Variants in RAP1GAP2 observed in about 807,000 individuals in gnomAD.
RAP1GAP2 encodes the protein rap1 GTPase-activating protein 2.
A neutral mutation model predicts 95.0 loss-of-function variants in RAP1GAP2; 27 were observed. The ratio of observed to expected loss-of-function variants is 0.28; its 90% confidence interval spans 0.21 to 0.39. The LOEUF is 0.39. RAP1GAP2 is among the 10% of genes least tolerant of loss of function. The pLI is 1.00. For missense variants in RAP1GAP2, 771 were observed against 970.0 expected, an observed-to-expected ratio of 0.79 and a Z score of 2.72; for synonymous variants, 373 against 380.9, an observed-to-expected ratio of 0.98 and a Z score of 0.24.
intron 3 of RAP1GAP2, among the ~76,000 whole-genome samples, chr17:2,911,563 G>T (rs1321090749): frequency 2.6e-5 from 4 of 152,002 alleles, no homozygotes; most frequent in Non-Finnish European, 5.9e-5. Flanking sequence ...CACCCTCAGA[G>T]AGCCTGCCGT....
rs1172342446 is a variant in RAP1GAP2, at chr17:2,796,471, C to T, written c.-57C>T. 1.3e-6 allele frequency: 2 copies of T among 1,545,666 alleles called. No homozygotes were observed. Among genetic ancestry groups the T allele is most frequent in the Non-Finnish European group, 1.8e-6 (2 of 1,142,558 alleles). On this transcript the variant is annotated 5_prime_UTR_variant, in exon 1 of 25. Coordinates refer to ENST00000254695, the MANE Select transcript of RAP1GAP2 (RefSeq NM_015085.5). This position sits in a 1 kb window ranked among gnomAD's most constrained non-coding sequence, Gnocchi z 4.7. ...CGCTGTACCACGGCCCTCTTGCGGA[C>T]AGCCCCGGGGACGTCGTTGGGACAT...
chr17:2,926,300 C>T (rs2042954351), intron 3 of RAP1GAP2, among the ~76,000 whole-genome samples: 1 of 152,172 alleles, frequency 6.6e-6, no homozygotes, highest in South Asian at 2.1e-4. Flanking sequence ...CGCCCACGTC[C>T]TCTTCACACG....
intron 1 of RAP1GAP2, among the ~76,000 whole-genome samples, chr17:2,777,982 CT>C (rs1209759768): frequency 8.5e-6 from 1 of 117,476 alleles, no homozygotes; most frequent in African/African-American, 3.6e-5. Flanking sequence ...GGCTGGGAGG[CT>C]GGGAGGCGGG....
intron 2 of RAP1GAP2, among the ~76,000 whole-genome samples, chr17:2,830,052 G>C (rs1196525559): frequency 6.6e-6 from 1 of 152,074 alleles, no homozygotes; most frequent in Admixed American, 6.6e-5. Context: ...CCTCTTAACA[G>C]ACTTTTAAGT....
intron 2 of RAP1GAP2, among the ~76,000 whole-genome samples, chr17:2,819,958 A>G (rs2070210142): frequency 6.6e-6 from 1 of 151,438 alleles, no homozygotes; most frequent in African/African-American, 2.4e-5. Flanking sequence ...TTAAGTTTTT[A>G]AGAAATTTTT....
intron 3 of RAP1GAP2, among the ~76,000 whole-genome samples, chr17:2,929,671 G>A (rs181083076): frequency 1.2e-4 from 19 of 152,334 alleles, no homozygotes; most frequent in Admixed American, 3.9e-4. Context: ...CCTTTCATGT[G>A]TCAAGGCCAG....
chr17:3,028,260 C>T (rs1285092377), intron 22 of RAP1GAP2, among the ~76,000 whole-genome samples: 1 of 152,080 alleles, frequency 6.6e-6, no homozygotes, highest in Non-Finnish European at 1.5e-5. Context: ...GGGAATGAGA[C>T]AATAGTGTAG....
intron 2 of RAP1GAP2, among the ~76,000 whole-genome samples, chr17:2,828,191 A>G (rs1316262437): frequency 1.3e-5 from 2 of 152,050 alleles, no homozygotes; most frequent in African/African-American, 2.4e-5. Context: ...AAATACAAAA[A>G]TTAGCAGGGT....
At position 3,018,071 on chromosome 17, in the gene RAP1GAP2, G is replaced by A. The variant is rs1412068087; in HGVS notation, c.1505G>A (p.Arg502His). The change falls in exon 18 of 25, where the codon CGC becomes CAC. Residue 502 changes from arginine to histidine, a missense_variant. By Grantham distance (29) the Arg-to-His change is conservative. Coordinates refer to ENST00000254695, the MANE Select transcript of RAP1GAP2 (RefSeq NM_015085.5). Reference sequence around the variant, plus strand: ...GTTCTCTCCCCGTAGAGGGCCATCCGCGTACGCAGCCACTCCATGGAGACC... The same window carrying A: ...GTTCTCTCCCCGTAGAGGGCCATCCACGTACGCAGCCACTCCATGGAGACC... ...GFLESFKRAIRVRSHSMETMV... is the reference protein window; with the variant it reads ...GFLESFKRAIHVRSHSMETMV... The A allele has an allele frequency of 2.5e-6, 4 of 1,587,230 alleles. No homozygotes were observed. Among genetic ancestry groups the A allele is most frequent in the Non-Finnish European group, 2.6e-6 (3 of 1,167,374 alleles).
At chr17:2,911,392 G>A (rs2042376732) in intron 3 of RAP1GAP2, among the ~76,000 whole-genome samples, 1 of 152,046 alleles carries the variant, frequency 6.6e-6, no homozygotes, top group Admixed American at 6.6e-5. Flanking sequence ...AGAGGGACTT[G>A]AGGCTGCGTC....
At chr17:2,858,930 C>T (rs914328476) in intron 2 of RAP1GAP2, among the ~76,000 whole-genome samples, 36 of 151,916 alleles carry the variant, frequency 2.4e-4, no homozygotes, top group African/African-American at 7.7e-4. Flanking sequence ...AAAAAACCCC[C>T]GTAACACTAC....
intron 24 of RAP1GAP2, 37 bp downstream of exon 24, chr17:3,032,486 G>GA: frequency 6.3e-7 from 1 of 1,589,378 alleles, no homozygotes; most frequent in South Asian, 1.1e-5. Context: ...GCCGTGAGGG[G>GA]GGACGTGTGT....
In RAP1GAP2 at chr17:2,825,983, GTT is replaced by G. The variant is rs10605718; in HGVS notation, c.80+25447_80+25448del. Among the ~76,000 whole-genome samples, 575 of 127,544 alleles carry G rather than the reference GTT, an allele frequency of 4.5e-3. No individual in the cohort carries two copies. The highest frequency in any genetic ancestry group is 0.015 in the African/African-American group (465 of 32,012). 83.7% of individuals were successfully genotyped at this position (127,544 alleles called of 152,430 possible). A position where few individuals can be genotyped will look rare whatever the true frequency, so the allele number is the denominator to read the frequency against. Reference sequence around the variant, plus strand: ...TTTTCTTTTTTCTTTCTTTCTTTCTGTTTTTTTTTTTTTTTGAGACGGAGTCT... The same window carrying G: ...TTTTCTTTTTTCTTTCTTTCTTTCTGTTTTTTTTTTTTTGAGACGGAGTCT... On this transcript the variant is annotated intron_variant, in intron 2 of 24. Coordinates refer to ENST00000254695, the MANE Select transcript of RAP1GAP2 (RefSeq NM_015085.5). This position sits in a 1 kb window ranked among gnomAD's most constrained non-coding sequence, Gnocchi z 4.1.
chr17:2,970,235 C>G (rs1179529732), intron 8 of RAP1GAP2, among the ~76,000 whole-genome samples: 1 of 139,712 alleles, frequency 7.2e-6, no homozygotes, highest in Non-Finnish European at 1.5e-5. Flanking sequence ...TTTGGCGCCA[C>G]TGCACTTCGG....
Position 2,963,999 on chromosome 17 carries a change from C to T in RAP1GAP2, c.423C>T (p.Pro141=). The T allele has an allele frequency of 6.2e-7, 1 of 1,612,626 alleles. No individual in the cohort carries two copies. Residue 141 remains proline (P), a synonymous_variant, in exon 7 of 25, where the codon CCC becomes CCT. Coordinates refer to ENST00000254695, the MANE Select transcript of RAP1GAP2 (RefSeq NM_015085.5). This position sits in a 1 kb window ranked among gnomAD's most constrained non-coding sequence, Gnocchi z 4.8. ...CEEEEEDNLS[P]NTFGYKLECK... ...AGGAGGAAGAGGACAACCTCAGCCC[C>T]AACACATTTGGCTACAAGCTCGAGT... is the stretch of plus-strand genomic sequence containing the variant.
chr17:2,958,636 G>A (rs1172437307), intron 4 of RAP1GAP2, among the ~76,000 whole-genome samples: 1 of 152,024 alleles, frequency 6.6e-6, no homozygotes, highest in Non-Finnish European at 1.5e-5. Flanking sequence ...ACAATTAAAG[G>A]CAGCACTCAA....
At chr17:2,880,850 G>C (rs911598437) in intron 2 of RAP1GAP2, among the ~76,000 whole-genome samples, 1 of 152,188 alleles carries the variant, frequency 6.6e-6, no homozygotes, top group Non-Finnish European at 1.5e-5. Context: ...GCCGAGGTCA[G>C]GCACGGTGGC....
intron 2 of RAP1GAP2, among the ~76,000 whole-genome samples, chr17:2,863,925 G>C (rs2072514943): frequency 2.0e-5 from 3 of 152,098 alleles, no homozygotes; most frequent in African/African-American, 7.2e-5. Context: ...GGTGGTGGGT[G>C]CCTGTAATCC....
intron 2 of RAP1GAP2, among the ~76,000 whole-genome samples, chr17:2,896,906 C>T (rs1031056606): frequency 7.2e-5 from 11 of 152,202 alleles, no homozygotes; most frequent in African/African-American, 2.7e-4. Flanking sequence ...GTGTAGCCTG[C>T]AGCAGAGACT....
Sources: allele counts gnomAD v4.1 joint callset (sites outside exome capture counted in the v4.1 genomes callset), GRCh38; gene constraint gnomAD v4.1.1; non-coding constraint Gnocchi (gnomAD v3.1); transcripts MANE v1.5; gene names NCBI Gene and HGNC (gene_info 2026-07-23, HGNC 2026-07-21).